Variants in NEGR1 observed in about 807,000 individuals in gnomAD.
NEGR1 encodes the protein neuronal growth regulator 1, also known as IgLON family member 4.
In NEGR1, 10 loss-of-function variants were observed where a neutral mutation model predicts 40.9. That is an observed-to-expected ratio of 0.24 (90% CI 0.15 to 0.42). The LOEUF (loss-of-function observed/expected upper bound fraction) is 0.42, where lower values mean the gene tolerates loss of function less well. Ranked by LOEUF, NEGR1 falls within the 10% of genes least tolerant of loss-of-function variation. The pLI is 1.00. For missense variants in NEGR1, 352 were observed against 438.9 expected (o/e 0.80, Z 1.77); for synonymous variants, 185 against 166.8 (o/e 1.11, Z -0.84).
chr1:72,028,890 C>T (rs1215725966), intron 1 of NEGR1, among the ~76,000 whole-genome samples: 1 of 152,128 alleles, frequency 6.6e-6, no homozygotes, highest in African/African-American at 2.4e-5. Context: ...TGTCTTATAT[C>T]CCTAACTCAG....
chr1:71,787,729 C>A (rs962595455), intron 2 of NEGR1, among the ~76,000 whole-genome samples: 1 of 152,114 alleles, frequency 6.6e-6, no homozygotes, highest in Non-Finnish European at 1.5e-5. Flanking sequence ...GTAAAGAGTG[C>A]CTGCAGATTT....
intron 1 of NEGR1, among the ~76,000 whole-genome samples, chr1:72,217,333 T>C (rs923099185): frequency 6.6e-6 from 1 of 151,894 alleles, no homozygotes. Flanking sequence ...TTGAACTTTT[T>C]CAACAAAAAT....
Position 71,827,176 on chromosome 1 carries a change from T to C in NEGR1, c.410-50879A>G, listed in dbSNP as rs188377399. 5.5e-3 allele frequency among the ~76,000 whole-genome samples: 840 copies of C among 151,748 alleles called. 5 individuals carry two copies. The highest frequency in any genetic ancestry group is 0.017 in the African/African-American group (724 of 41,462). On this transcript the variant is annotated intron_variant, in intron 2 of 6. Transcript: ENST00000357731. ...TGCAGAAAAAAAAGGAGCTTTTTTT[T>C]CTATTCTATTGTGTTCTGTTTTATG...
At chr1:71,442,829 A>G (rs1646556856) in intron 6 of NEGR1, among the ~76,000 whole-genome samples, 1 of 152,160 alleles carries the variant, frequency 6.6e-6, no homozygotes, top group Admixed American at 6.5e-5. Flanking sequence ...GCTGACTTTG[A>G]TCGTTTGACA....
At position 71,730,569 on chromosome 1, in the gene NEGR1, T is replaced by TTTTATA. The variant is rs370694117; in HGVS notation, c.536-32431_536-32430insTATAAA. Among the ~76,000 whole-genome samples the TTTTATA allele has an allele frequency of 4.5e-5, 6 of 134,712 alleles. 1 individual carries two copies. In the East Asian group the frequency reaches 9.1e-4, roughly 20 times the overall value. The allele number at this position is 134,712 out of a possible 152,430, so 88.4% of individuals were successfully genotyped here. On this transcript the variant is annotated intron_variant, in intron 3 of 6. Transcript: ENST00000357731. ...TTATATGTGTATATATAGTATAAAT[T>TTTTATA]TATATATATATATATATATATATAA... is the stretch of plus-strand genomic sequence containing the variant.
intron 1 of NEGR1, among the ~76,000 whole-genome samples, chr1:72,015,826 G>T (rs1029313153): frequency 6.6e-6 from 1 of 152,042 alleles, no homozygotes; most frequent in Admixed American, 6.6e-5. Context: ...CTGGTTTTGG[G>T]TCTGGCCACC....
chr1:71,915,169 A>G (rs1174534004), intron 2 of NEGR1, among the ~76,000 whole-genome samples: 1 of 152,138 alleles, frequency 6.6e-6, no homozygotes, highest in East Asian at 1.9e-4. Context: ...GTTAGCAAGA[A>G]TCTCATTAAT....
rs139098802 is a variant in NEGR1 at position 72,031,854 on chromosome 1, T to G, written c.177-96543A>C. Among the ~76,000 whole-genome samples the G allele has an allele frequency of 3.2e-3, 483 of 152,274 alleles. 1 individual carries two copies. Among genetic ancestry groups the G allele is most frequent in the African/African-American group, 0.011 (451 of 41,558 alleles). ...AACTGACTCATGATGTGATACATTC[T>G]GTACCACTGGGAATATTCAAGAAGA... is the stretch of plus-strand genomic sequence containing the variant. On this transcript the variant is annotated intron_variant, in intron 1 of 6. Transcript: ENST00000357731.
At chr1:71,671,893 C>CTTTTTTTTTTTTTTTTTTTTTTTTTT (rs10708807) in intron 4 of NEGR1, among the ~76,000 whole-genome samples, 1 of 121,582 alleles carries the variant, frequency 8.2e-6, no homozygotes, top group Non-Finnish European at 1.7e-5. Context: ...CTCTCTCTCT[C>CTTTTTTTTTTTTTTTTTTTTTTTTTT]TTTTTTTTTT....
chr1:71,431,227 C>T (rs1646466589), intron 6 of NEGR1, among the ~76,000 whole-genome samples: 1 of 151,726 alleles, frequency 6.6e-6, no homozygotes, highest in Non-Finnish European at 1.5e-5. Context: ...TCTGGAAATA[C>T]CATGAAGATA....
intron 6 of NEGR1, among the ~76,000 whole-genome samples, chr1:71,554,375 C>T (rs1648183957): frequency 1.3e-5 from 2 of 151,248 alleles, no homozygotes; most frequent in Admixed American, 1.3e-4. Context: ...AAAAATCAAA[C>T]AATGGTGTTA....
intron 6 of NEGR1, among the ~76,000 whole-genome samples, chr1:71,471,274 C>T (rs1646780382): frequency 6.6e-6 from 1 of 152,096 alleles, no homozygotes; most frequent in African/African-American, 2.4e-5. Flanking sequence ...CTCCTCATCT[C>T]GAAATCCTCA....
intron 6 of NEGR1, among the ~76,000 whole-genome samples, chr1:71,560,449 G>GTATATATATATATATATA (rs1557567048): frequency 8.6e-6 from 1 of 116,760 alleles, no homozygotes; most frequent in African/African-American, 3.1e-5. Context: ...ATATATATAT[G>GTATATATATATATATATA]TATATATATA....
chr1:71,906,329 A>G (rs1054960625), intron 2 of NEGR1, among the ~76,000 whole-genome samples: 1 of 152,108 alleles, frequency 6.6e-6, no homozygotes, highest in African/African-American at 2.4e-5. Flanking sequence ...CTCAGAAATC[A>G]CCAACTCAAG....
chr1:71,604,180 CCT>C (rs1650010829), intron 5 of NEGR1, among the ~76,000 whole-genome samples: 1 of 152,070 alleles, frequency 6.6e-6, no homozygotes, highest in Non-Finnish European at 1.5e-5. Context: ...TTTCTCTCTT[CCT>C]CTCTCTGTCA....
chr1:71,682,306 C>T (rs1016023876), intron 4 of NEGR1, among the ~76,000 whole-genome samples: 5 of 151,794 alleles, frequency 3.3e-5, no homozygotes, highest in South Asian at 2.1e-4. Flanking sequence ...ACTGTTTGCT[C>T]ATATTCAAGG....
chr1:71,460,506 G>A (rs1376368743), intron 6 of NEGR1, among the ~76,000 whole-genome samples: 1 of 152,140 alleles, frequency 6.6e-6, no homozygotes, highest in Non-Finnish European at 1.5e-5. Flanking sequence ...TGTAAGCCTT[G>A]CTCTTCTCAA....
rs12071041 is a variant in NEGR1 at position 72,197,508 on chromosome 1, G to T, written c.176+84811C>A. 3.0e-3 allele frequency among the ~76,000 whole-genome samples: 456 copies of T among 152,026 alleles called. 2 individuals carry two copies. The highest frequency in any genetic ancestry group is 0.011 in the African/African-American group (437 of 41,516). On this transcript the variant is annotated intron_variant, in intron 1 of 6. Transcript: ENST00000357731. ...ATGAACTAGATTATTGTACACTAGAGATCAAATATTTAAAAATGAGTTTTT... is the reference window on the plus strand; with the variant it reads ...ATGAACTAGATTATTGTACACTAGATATCAAATATTTAAAAATGAGTTTTT...
intron 6 of NEGR1, among the ~76,000 whole-genome samples, chr1:71,568,438 A>T (rs1338687962): frequency 3.3e-5 from 5 of 152,194 alleles, no homozygotes; most frequent in African/African-American, 1.2e-4. Context: ...GGCTTCCAGG[A>T]GTCCCTGAGG....
Sources: allele counts gnomAD v4.1 joint callset (sites outside exome capture counted in the v4.1 genomes callset), GRCh38; gene constraint gnomAD v4.1.1; transcripts MANE v1.5; gene names NCBI Gene and HGNC (gene_info 2026-07-23, HGNC 2026-07-21).